RIT2: variants seen among roughly 807,000 people sequenced by gnomAD.
RIT2 encodes GTP-binding protein Rit2.
In RIT2, 24 loss-of-function variants were observed where a neutral mutation model predicts 23.7. The observed-to-expected ratio is 1.01, with a 90% confidence interval of 0.73 to 1.43. The LOEUF (loss-of-function observed/expected upper bound fraction) is 1.43. RIT2 is among the 40% of genes most tolerant of loss of function. The probability of loss-of-function intolerance (pLI) is 0.00; values close to 1 mark genes in which losing one functional copy is unlikely to be tolerated. For missense variants in RIT2, 236 were observed against 266.9 expected, an observed-to-expected ratio of 0.88 and a Z score of 0.81; for synonymous variants, 107 against 91.1, an observed-to-expected ratio of 1.17 and a Z score of -0.99.
intron 4 of RIT2, among the ~76,000 whole-genome samples, chr18:42,823,758 G>A (rs1191161852): frequency 6.6e-6 from 1 of 152,104 alleles, no homozygotes; most frequent in Non-Finnish European, 1.5e-5. Flanking sequence ...AATGTTTACA[G>A]AAAATGTTTG....
intron 4 of RIT2, among the ~76,000 whole-genome samples, chr18:42,775,589 C>T (rs1008130075): frequency 5.3e-5 from 8 of 151,760 alleles, no homozygotes; most frequent in Admixed American, 2.0e-4. Flanking sequence ...CCCAGCTACT[C>T]GGGAGGCTGA....
intron 4 of RIT2, among the ~76,000 whole-genome samples, chr18:42,907,141 C>T (rs1908644672): frequency 6.6e-6 from 1 of 152,044 alleles, no homozygotes; most frequent in Non-Finnish European, 1.5e-5. Flanking sequence ...TTTGTGTAAG[C>T]TAGTTTATCC....
chr18:43,092,441 A>G (rs1298164900), intron 1 of RIT2, among the ~76,000 whole-genome samples: 1 of 152,120 alleles, frequency 6.6e-6, no homozygotes, highest in East Asian at 1.9e-4. Flanking sequence ...CCTAAAATCT[A>G]TTTAACTAAA....
At chr18:42,829,259 CAT>C (rs1334066514) in intron 4 of RIT2, among the ~76,000 whole-genome samples, 1 of 152,064 alleles carries the variant, frequency 6.6e-6, no homozygotes, top group East Asian at 1.9e-4. Context: ...ACCTTAAAGA[CAT>C]ATATGATTAT....
chr18:42,904,080 C>T (rs1026766423), intron 4 of RIT2, among the ~76,000 whole-genome samples: 1 of 151,786 alleles, frequency 6.6e-6, no homozygotes, highest in African/African-American at 2.4e-5. Context: ...GTATAGTGTT[C>T]CTACAAATGG....
rs543305795 is a variant in RIT2, at chr18:43,115,231, A to G, written c.103+186T>C. On this transcript the variant is annotated intron_variant, in intron 1 of 4. Coordinates refer to ENST00000326695, the MANE Select transcript of RIT2 (RefSeq NM_002930.4). The stretch of plus-strand genomic sequence containing the variant: ...CTGAGGATCATCACTGGCTGTCTGC[A>G]TTATCCTGACTCATCAGCATCGGTT... Among the ~76,000 whole-genome samples, 4 of 152,284 alleles carry G rather than the reference A, an allele frequency of 2.6e-5. No individual in the cohort carries two copies. In the East Asian group the frequency reaches 5.8e-4, roughly 22 times the overall value.
At chr18:43,018,445 A>G (rs1911522769) in intron 2 of RIT2, among the ~76,000 whole-genome samples, 1 of 152,020 alleles carries the variant, frequency 6.6e-6, no homozygotes, top group African/African-American at 2.4e-5. Flanking sequence ...GTGATTACAT[A>G]TAAAAATACA....
intron 4 of RIT2, among the ~76,000 whole-genome samples, chr18:42,758,770 C>T (rs1290062357): frequency 2.0e-5 from 3 of 151,906 alleles, no homozygotes; most frequent in African/African-American, 7.3e-5. Flanking sequence ...AGTGATCTGC[C>T]TGCCCAAAGT....
Position 42,860,224 on chromosome 18 carries a change from C to G in RIT2, c.426+63348G>C, listed in dbSNP as rs552597074. 1.8e-4 allele frequency among the ~76,000 whole-genome samples: 28 copies of G among 152,220 alleles called. No individual in the cohort carries two copies. In the South Asian group the frequency reaches 5.6e-3, roughly 30 times the overall value. On this transcript the variant is annotated intron_variant, in intron 4 of 4. Coordinates refer to ENST00000326695, the MANE Select transcript of RIT2 (RefSeq NM_002930.4). The stretch of plus-strand genomic sequence containing the variant: ...GATTAAGTTTCTAGGGAGCTCAAAA[C>G]CTGTCTCCCTCTCTGGTGGCTGCTA...
intron 4 of RIT2, among the ~76,000 whole-genome samples, chr18:42,789,272 A>G (rs1285851933): frequency 6.6e-6 from 1 of 152,182 alleles, no homozygotes; most frequent in Non-Finnish European, 1.5e-5. Context: ...GACATTGTAG[A>G]TTCTCTAAAC....
intron 1 of RIT2, among the ~76,000 whole-genome samples, chr18:43,081,322 TA>T (rs1457702600): frequency 2.0e-5 from 3 of 152,198 alleles, no homozygotes; most frequent in Non-Finnish European, 4.4e-5. Flanking sequence ...CATCATTTAT[TA>T]TTTTTTAAGC....
At chr18:42,917,655 ATTG>A (rs1908947244) in intron 4 of RIT2, among the ~76,000 whole-genome samples, 1 of 152,130 alleles carries the variant, frequency 6.6e-6, no homozygotes, top group South Asian at 2.1e-4. Context: ...GTTTTAAACA[ATTG>A]TTGTTCAAAC....
chr18:43,078,306 T>C (rs1913072434), intron 1 of RIT2, among the ~76,000 whole-genome samples: 1 of 152,168 alleles, frequency 6.6e-6, no homozygotes, highest in African/African-American at 2.4e-5. Context: ...CACTCTGACC[T>C]CTCTGTGTGC....
At chr18:42,766,973 T>C (rs1182552767) in intron 4 of RIT2, among the ~76,000 whole-genome samples, 1 of 152,204 alleles carries the variant, frequency 6.6e-6, no homozygotes, top group Non-Finnish European at 1.5e-5. Context: ...TCCGCCTAGA[T>C]TTCAGAAGAT....
Position 43,115,679 on chromosome 18 carries a change from G to T in RIT2, c.-160C>A. Reference sequence around the variant, plus strand: ...GGCTGCTGGTCCTCCGCTCGAGCGGGTCTCATAGCAACCACTTCAATTGCT... The same window carrying T: ...GGCTGCTGGTCCTCCGCTCGAGCGGTTCTCATAGCAACCACTTCAATTGCT... On this transcript the variant is annotated 5_prime_UTR_variant, in exon 1 of 5. Coordinates refer to ENST00000326695, the MANE Select transcript of RIT2 (RefSeq NM_002930.4). 9.9e-7 allele frequency: 1 copy of T among 1,005,526 alleles called. No individual in the cohort carries two copies. The allele number at this position is 1,005,526 out of a possible 1,614,324, so 62.3% of individuals were successfully genotyped here.
intron 1 of RIT2, among the ~76,000 whole-genome samples, chr18:43,100,410 G>A (rs919672091): frequency 6.6e-6 from 1 of 152,126 alleles, no homozygotes; most frequent in African/African-American, 2.4e-5. Flanking sequence ...GATCACAGAA[G>A]TGACATTGGC....
At chr18:43,063,846 G>A (rs185088402) in intron 1 of RIT2, among the ~76,000 whole-genome samples, 12 of 152,296 alleles carry the variant, frequency 7.9e-5, no homozygotes, top group Middle Eastern at 3.4e-3. Context: ...TTATGGAAAT[G>A]TCTATTAGGT....
intron 2 of RIT2, among the ~76,000 whole-genome samples, chr18:42,994,238 C>A (rs1399956913): frequency 1.3e-5 from 2 of 152,202 alleles, no homozygotes; most frequent in African/African-American, 2.4e-5. Context: ...GGCTGTACTG[C>A]CACAAGGCTT....
intron 4 of RIT2, among the ~76,000 whole-genome samples, chr18:42,765,949 T>G (rs1913411494): frequency 6.6e-6 from 1 of 152,142 alleles, no homozygotes; most frequent in Non-Finnish European, 1.5e-5. Flanking sequence ...CCTCATTTTC[T>G]CTTGCCACCA....
Sources: allele counts gnomAD v4.1 joint callset (sites outside exome capture counted in the v4.1 genomes callset), GRCh38; gene constraint gnomAD v4.1.1; transcripts MANE v1.5; gene names NCBI Gene and HGNC (gene_info 2026-07-23, HGNC 2026-07-21).